The following CDH18 variants were observed in gnomAD, a reference collection of about 807,000 sequenced individuals.
CDH18 encodes cadherin-18.
CDH18 carries 31 observed loss-of-function variants against 67.9 expected under a neutral mutation model. The observed-to-expected ratio is 0.46, with a 90% CI of 0.34 to 0.62. CDH18 has a LOEUF of 0.62. Among genes scored for constraint, CDH18 ranks in the 20% least tolerant of loss-of-function variants. CDH18 has a pLI of 0.01. For missense variants in CDH18, 890 were observed against 975.5 expected, an observed-to-expected ratio of 0.91 and a Z score of 1.17; for synonymous variants, 362 against 347.2, an observed-to-expected ratio of 1.04 and a Z score of -0.48.
At chr5:20,230,546 T>A (rs567152235) in intron 2 of CDH18, among the ~76,000 whole-genome samples, 1 of 152,294 alleles carries the variant, frequency 6.6e-6, no homozygotes, top group African/African-American at 2.4e-5. Flanking sequence ...TTGATGACCA[T>A]CTTGATAACT....
At position 20,095,613 on chromosome 5, in the gene CDH18, A is replaced by T. The variant is rs1421618053; in HGVS notation, c.-517-103599T>A. Among the ~76,000 whole-genome samples, 7 of 147,624 alleles carry T rather than the reference A, an allele frequency of 4.7e-5. No homozygotes were observed. In the Admixed American group the frequency reaches 4.8e-4, roughly 10 times the overall value. ...GGAAGAAAGAAGAAAGAAAGAAAAG[A>T]AAAGAAAAGAAAGAAAGGCAGTAAC... On this transcript the variant is annotated intron_variant, in intron 2 of 14. Transcript: ENST00000507958.
chr5:20,373,239 A>G (rs935478114), intron 1 of CDH18, among the ~76,000 whole-genome samples: 2 of 152,178 alleles, frequency 1.3e-5, no homozygotes, highest in Non-Finnish European at 2.9e-5. Context: ...CTCAGACTCT[A>G]CATCAGAGTA....
chr5:20,512,001 A>G (rs910822950), intron 1 of CDH18, among the ~76,000 whole-genome samples: 2 of 152,102 alleles, frequency 1.3e-5, no homozygotes, highest in African/African-American at 2.4e-5. Context: ...TGGGTGGATC[A>G]CCTGAGGTCA....
intron 2 of CDH18, among the ~76,000 whole-genome samples, chr5:20,200,517 A>C (rs1739367998): frequency 6.6e-6 from 1 of 152,016 alleles, no homozygotes; most frequent in Non-Finnish European, 1.5e-5. Flanking sequence ...CTACAAAAAA[A>C]GTATAAAAAT....
chr5:19,543,826 TG>T, intron 9 of CDH18, 42 bp downstream of exon 9: 1 of 1,446,922 alleles, frequency 6.9e-7, no homozygotes, highest in South Asian at 1.5e-5. Flanking sequence ...TATGTCTTCT[TG>T]TACAAGTGAC....
chr5:20,157,840 C>T (rs1287038310), intron 2 of CDH18, among the ~76,000 whole-genome samples: 1 of 151,978 alleles, frequency 6.6e-6, no homozygotes. Context: ...TGGGGTTTCA[C>T]CATGTTGGCC....
chr5:19,493,105 C>G (rs1561189914), intron 11 of CDH18, among the ~76,000 whole-genome samples: 1 of 152,146 alleles, frequency 6.6e-6, no homozygotes, highest in African/African-American at 2.4e-5. Flanking sequence ...AGTCACTCTC[C>G]CTGGTGGAAC....
chr5:20,311,066 A>G (rs1340979638), intron 1 of CDH18, among the ~76,000 whole-genome samples: 2 of 152,174 alleles, frequency 1.3e-5, no homozygotes, highest in Admixed American at 6.6e-5. Context: ...TCAATATTGT[A>G]TACACCCCTG....
chr5:20,077,805 A>T (rs1185801216), intron 2 of CDH18, among the ~76,000 whole-genome samples: 1 of 152,232 alleles, frequency 6.6e-6, no homozygotes, highest in Non-Finnish European at 1.5e-5. Context: ...TACTTGTTTT[A>T]ATAAATAGAT....
intron 1 of CDH18, among the ~76,000 whole-genome samples, chr5:20,564,565 A>G (rs1191959337): frequency 2.6e-5 from 4 of 152,122 alleles, no homozygotes; most frequent in Non-Finnish European, 4.4e-5. Context: ...CATTTTAAAT[A>G]CAACTCAAAT....
chr5:20,486,806 A>C (rs564076131), intron 1 of CDH18, among the ~76,000 whole-genome samples: 1 of 151,354 alleles, frequency 6.6e-6, no homozygotes, highest in East Asian at 1.9e-4. Context: ...ATTTGTCAAA[A>C]TTTTCTATTT....
rs115115951 is a variant in CDH18 at position 19,511,112 on chromosome 5, G to T, written c.1513-8003C>A. ...CAGGCATGAGCCAATGCACCCAGCC[G>T]ATCTGATGGTTTTATAAGCAGCTCA... On this transcript the variant is annotated intron_variant, in intron 10 of 12. Coordinates refer to ENST00000382275, the MANE Select transcript of CDH18 (RefSeq NM_004934.5). Among the ~76,000 whole-genome samples, 411 of 152,032 alleles carry T rather than the reference G, an allele frequency of 2.7e-3. 1 individual carries two copies. Among genetic ancestry groups the T allele is most frequent in the African/African-American group, 9.5e-3 (393 of 41,512 alleles).
chr5:20,560,151 C>G (rs867558942), intron 1 of CDH18, among the ~76,000 whole-genome samples: 1 of 152,050 alleles, frequency 6.6e-6, no homozygotes, highest in African/African-American at 2.4e-5. Context: ...ATCAGGCTCC[C>G]GTGCTGTCAC....
intron 3 of CDH18, among the ~76,000 whole-genome samples, chr5:19,777,519 T>A (rs1774536830): frequency 6.6e-6 from 1 of 152,154 alleles, no homozygotes; most frequent in Non-Finnish European, 1.5e-5. Flanking sequence ...ATTCACACAG[T>A]TGGCCGGCCA....
At chr5:19,788,293 CA>C (rs1581358112) in intron 3 of CDH18, among the ~76,000 whole-genome samples, 1 of 151,728 alleles carries the variant, frequency 6.6e-6, no homozygotes, top group Non-Finnish European at 1.5e-5. Context: ...TAACTTGAAA[CA>C]AAAAAAGAGA....
At chr5:20,005,557 T>C (rs1294975132) in intron 2 of CDH18, among the ~76,000 whole-genome samples, 9 of 151,122 alleles carry the variant, frequency 6.0e-5, no homozygotes, top group South Asian at 2.1e-4. Context: ...TATATATATA[T>C]ACACATATCT....
At chr5:19,823,220 T>TCATTAA (rs1339387375) in intron 3 of CDH18, among the ~76,000 whole-genome samples, 1 of 152,130 alleles carries the variant, frequency 6.6e-6, no homozygotes, top group Non-Finnish European at 1.5e-5. Flanking sequence ...AACACAATCA[T>TCATTAA]CACAGGGTCC....
intron 4 of CDH18, among the ~76,000 whole-genome samples, chr5:19,743,418 A>G (rs1008236317): frequency 9.9e-5 from 15 of 152,124 alleles, no homozygotes; most frequent in African/African-American, 3.6e-4. Context: ...AACACTGTAA[A>G]TATTTTGGGC....
rs573650337 is a variant in CDH18, at chr5:20,362,203, ACATAACT to A, written c.-579-106705_-579-106699del. On this transcript the variant is annotated intron_variant, in intron 1 of 14. Transcript: ENST00000507958. ...CATAATTCCCTCTTGAGAAATAGAC[ACATAACT>A]CATCACATTCACTATACTTGCAGCA... is the stretch of plus-strand genomic sequence containing the variant. Among the ~76,000 whole-genome samples the A allele has an allele frequency of 6.6e-5, 10 of 152,302 alleles. No individual in the cohort carries two copies. In the East Asian group the frequency reaches 1.7e-3, roughly 26 times the overall value.
Sources: allele counts gnomAD v4.1 joint callset (sites outside exome capture counted in the v4.1 genomes callset), GRCh38; gene constraint gnomAD v4.1.1; transcripts MANE v1.5; gene names NCBI Gene and HGNC (gene_info 2026-07-23, HGNC 2026-07-21).